Variants in IGSF9 observed in about 807,000 individuals in gnomAD.
The protein encoded by IGSF9 is immunoglobulin superfamily member 9.
A neutral mutation model predicts 121.7 loss-of-function variants in IGSF9; 87 were observed. The observed-to-expected ratio is 0.71, with a 90% CI of 0.60 to 0.85. IGSF9 has a LOEUF of 0.85. Ranked by LOEUF, IGSF9 falls within the 40% of genes least tolerant of loss-of-function variation. IGSF9 has a pLI of 0.00. For synonymous variants in IGSF9, 640 were observed against 648.4 expected, an observed-to-expected ratio of 0.99 and a Z score of 0.20; for missense variants, 1,462 against 1,565.3, an observed-to-expected ratio of 0.93 and a Z score of 1.11.
chr1:159,937,737 T>C lies in IGSF9; in HGVS notation c.349A>G (p.Ile117Val), dbSNP rs763972792. ...CCGTTAGCAAAATCGTCTTCAGGGA[T>C]GTGCTGGTCCAGGAAGAACACGCGG... ...ECRVFFLDQH[I>V]PEDDFANGSW... Residue 117 changes from isoleucine to valine, a missense_variant, in exon 4 of 21, where the codon ATC (isoleucine) becomes GTC (valine). Coordinates refer to ENST00000368094, the MANE Select transcript of IGSF9 (RefSeq NM_001135050.2). 47 of 1,613,932 alleles carry C rather than the reference T, an allele frequency of 2.9e-5. No individual in the cohort carries two copies. The highest frequency in any genetic ancestry group is 3.7e-5 in the Non-Finnish European group (44 of 1,179,978).
chr1:159,941,966 C>T (rs1171661054), intron 3 of IGSF9, among the ~76,000 whole-genome samples: 5 of 152,256 alleles, frequency 3.3e-5, no homozygotes, highest in Non-Finnish European at 7.3e-5. Context: ...TCTGCTCAGC[C>T]CGCCCTGTGG....
Position 159,930,293 on chromosome 1 carries a change from C to T in IGSF9, c.1960G>A (p.Asp654Asn), listed in dbSNP as rs773403292. The T allele has an allele frequency of 1.2e-5, 19 of 1,613,814 alleles. No homozygotes were observed. The highest frequency in any genetic ancestry group is 3.3e-4 in the Middle Eastern group (2 of 6,080). The change falls in exon 15 of 21, where the codon GAT becomes AAT. Residue 654 changes from aspartate (D) to asparagine (N), a missense_variant. Coordinates refer to ENST00000368094, the MANE Select transcript of IGSF9 (RefSeq NM_001135050.2). ...TGCCGGCCTTCCAAGACGTAGCCAT[C>T]CAGTCTCTTAGGGACCAGCTCTGGG... ...DPPELVPKRL[D>N]GYVLEGRQGS...
At position 159,929,641 on chromosome 1, in the gene IGSF9, G is replaced by T. The variant is rs1161711343; in HGVS notation, c.2323C>A (p.Gln775Lys). The T allele has an allele frequency of 6.3e-7, 1 of 1,594,526 alleles. No individual in the cohort carries two copies. The highest frequency in any genetic ancestry group is 1.8e-5 in the Admixed American group (1 of 56,234). The change falls in exon 17 of 21, where the codon CAA (glutamine) becomes AAA (lysine). Residue 775 changes from glutamine (Q) to lysine (K), a missense_variant. By Grantham distance (53) the Gln-to-Lys change is moderately conservative. Transcript: ENST00000368094. Reference protein sequence around the residue: ...AARRRRKRLRQDPPLIFSPTG... With the variant: ...AARRRRKRLRKDPPLIFSPTG... ...GGCTGAGGGTGGAGGGACTTACCTT[G>T]GCGGAGGCGCTTGCGGCGGCGGCGG...
chr1:159,936,626 T>A, intron 5 of IGSF9, 110 bp from the exon 6 acceptor site: 1 of 1,521,138 alleles, frequency 6.6e-7, no homozygotes, highest in Non-Finnish European at 9.0e-7. Flanking sequence ...GGGCAAACAA[T>A]GCCAAGCCCT....
At position 159,932,784 on chromosome 1, in the gene IGSF9, C is replaced by G; in HGVS notation, c.1105-132G>C. 1 of 828,088 alleles carries G rather than the reference C, an allele frequency of 1.2e-6. No individual in the cohort carries two copies. Among genetic ancestry groups the G allele is most frequent in the Non-Finnish European group, 1.8e-6 (1 of 547,822 alleles). The allele number at this position is 828,088 out of a possible 1,614,324, so 51.3% of individuals were successfully genotyped here. On this transcript the variant is annotated intron_variant, in intron 9 of 20. Coordinates refer to ENST00000368094, the MANE Select transcript of IGSF9 (RefSeq NM_001135050.2). This position sits in a 1 kb window ranked among gnomAD's most constrained non-coding sequence, Gnocchi z 4.1. ...AGACTCCAGCAGCTCCATGTCTAGG[C>G]CTGACCCCTCTCTGATTTCCAGTGC...
At chr1:159,935,384 C>T (rs1470304749) in intron 6 of IGSF9, among the ~76,000 whole-genome samples, 3 of 152,208 alleles carry the variant, frequency 2.0e-5, no homozygotes, top group South Asian at 2.1e-4. Flanking sequence ...ACCCTCCCTA[C>T]GTGGCCAGCC....
At chr1:159,936,282 C>A (rs567238963) in intron 6 of IGSF9, 117 bp downstream of exon 6, 58 of 887,256 alleles carry the variant, frequency 6.5e-5, no homozygotes, top group Admixed American at 1.3e-4. Flanking sequence ...TTAGCTTCCA[C>A]GGGCCCTGCC....
intron 4 of IGSF9, 90 bp downstream of exon 4, chr1:159,937,596 G>T: frequency 7.0e-7 from 1 of 1,437,062 alleles, no homozygotes; most frequent in Non-Finnish European, 9.7e-7. Flanking sequence ...GATGGAAATA[G>T]AACTCCCTCT....
Position 159,931,039 on chromosome 1 carries a change from T to G in IGSF9, c.1637+99A>C. 6.5e-7 allele frequency: 1 copy of G among 1,547,516 alleles called. No individual in the cohort carries two copies. The highest frequency in any genetic ancestry group is 8.8e-7 in the Non-Finnish European group (1 of 1,132,380). On this transcript the variant is annotated intron_variant, in intron 13 of 20. Transcript: ENST00000368094. This position sits in a 1 kb window ranked among gnomAD's most constrained non-coding sequence, Gnocchi z 4.8. ...AAGCAGAGCCAGGACTGGTGAGGGA[T>G]AGAGGGACAGAAGAAAGGGCAGAAG... is the stretch of plus-strand genomic sequence containing the variant.
rs773805413 is a variant in IGSF9 at position 159,934,255 on chromosome 1, G to A, written c.1039C>T (p.Arg347Cys). ...ACAAAGAGCAGTGGGGGGTTGGCAC[G>A]AACCGGGCAGCGGATCACCCCCGGC... ...GMPGVIRCPV[R>C]ANPPLLFVSW... Residue 347 changes from arginine to cysteine, a missense_variant, in exon 9 of 21, where the codon CGT becomes TGT. Physicochemically the swap from Arg to Cys is radical, Grantham distance 180 (BLOSUM62 -3). Coordinates refer to ENST00000368094, the MANE Select transcript of IGSF9 (RefSeq NM_001135050.2). The A allele has an allele frequency of 3.7e-6, 6 of 1,613,782 alleles. No individual in the cohort carries two copies. Among genetic ancestry groups the A allele is most frequent in the Non-Finnish European group, 5.1e-6 (6 of 1,179,940 alleles).
rs746073530 is a variant in IGSF9, at chr1:159,930,678, G to A, written c.1813+14C>T. On this transcript the variant is annotated intron_variant, in intron 14 of 20. Coordinates refer to ENST00000368094, the MANE Select transcript of IGSF9 (RefSeq NM_001135050.2). ...ATCCTTGTCTCTGCTGTTCTGGGAC[G>A]AGAAGCTTCTCACCTTCCGGAGCAG... is the stretch of plus-strand genomic sequence containing the variant. 2 of 1,613,732 alleles carry A rather than the reference G, an allele frequency of 1.2e-6. No individual in the cohort carries two copies. Among genetic ancestry groups the A allele is most frequent in the East Asian group, 2.2e-5 (1 of 44,856 alleles).
intron 19 of IGSF9, 61 bp from the exon 20 acceptor site, chr1:159,927,948 A>G: frequency 6.3e-7 from 1 of 1,577,086 alleles, no homozygotes; most frequent in Non-Finnish European, 8.6e-7. Context: ...GGCTGTTCAG[A>G]AAAGTCTGAA....
In IGSF9 at chr1:159,928,433, C is replaced by G. The variant is rs981213574; in HGVS notation, c.2955G>C (p.Val985=). The part of the protein sequence containing the change: ...VSPRESLPGA[V]VGAGATAEPP... ...GCTCTGCAGTGGCCCCAGCCCCTAC[C>G]ACAGCCCCAGGAAGTGATTCCCTGG... Residue 985 remains valine (V), a synonymous_variant, in exon 19 of 21, where the codon GTG becomes GTC. Transcript: ENST00000368094. The G allele has an allele frequency of 6.2e-7, 1 of 1,603,488 alleles. No individual in the cohort carries two copies. Among genetic ancestry groups the G allele is most frequent in the Non-Finnish European group, 8.5e-7 (1 of 1,174,512 alleles).
In IGSF9 at chr1:159,927,396, T is replaced by G. The variant is rs1571208214; in HGVS notation, c.3489A>C (p.Leu1163=). The G allele has an allele frequency of 6.2e-7, 1 of 1,613,682 alleles. No individual in the cohort carries two copies. Among genetic ancestry groups the G allele is most frequent in the Non-Finnish European group, 8.5e-7 (1 of 1,180,014 alleles). ...RRRRDATRAR[L]PAYRQPVPHP... ...GGGGGACTGGCTGTCGATAGGCTGG[T>G]AGCCGAGCCCTAGTAGCATCTCGGC... Residue 1163 remains leucine (L), a synonymous_variant, in exon 21 of 21, where the codon CTA becomes CTC. Transcript: ENST00000368094.
rs767839684 is a variant in IGSF9, at chr1:159,932,520, G to A, written c.1237C>T (p.Leu413=). ...TAGPSPVTRV[L]LKAPPAFIER... ...CCCACCCCCGGCCTAACCTTGAGCA[G>A]CACGCGGGTCACAGGAGAGGGCCCG... The change falls in exon 10 of 21, where the codon CTG becomes TTG. Residue 413 remains leucine, a synonymous_variant. Coordinates refer to ENST00000368094, the MANE Select transcript of IGSF9 (RefSeq NM_001135050.2). The surrounding 1 kb of genome is among the most constrained non-coding windows in gnomAD (Gnocchi z 4.1). 7 of 1,611,990 alleles carry A rather than the reference G, an allele frequency of 4.3e-6. No individual in the cohort carries two copies. In the South Asian group the frequency reaches 7.7e-5, roughly 18 times the overall value.
chr1:159,929,242 C>T (rs1251190682), intron 18 of IGSF9, 109 bp downstream of exon 18: 1 of 1,438,814 alleles, frequency 7.0e-7, no homozygotes. Context: ...CACTTTTGTT[C>T]CTCCCCAACA....
chr1:159,928,558 G>A lies in IGSF9; in HGVS notation c.2830C>T (p.Leu944Phe), dbSNP rs1222288126. The change falls in exon 19 of 21, where the codon CTT becomes TTT. Residue 944 changes from leucine to phenylalanine, a missense_variant. Transcript: ENST00000368094. ...GGTGCAGCAGGGCTGGGCTCCTCAA[G>A]CGGGGGCCAGTCCCCATCCACATTC... ...EMNVDGDWPP[L>F]EEPSPAAPPD... 6 of 1,542,014 alleles carry A rather than the reference G, an allele frequency of 3.9e-6. No homozygotes were observed. Among genetic ancestry groups the A allele is most frequent in the Non-Finnish European group, 5.2e-6 (6 of 1,142,938 alleles).
At chr1:159,936,005 C>T (rs1651168904) in intron 6 of IGSF9, among the ~76,000 whole-genome samples, 1 of 152,210 alleles carries the variant, frequency 6.6e-6, no homozygotes, top group Admixed American at 6.5e-5. Context: ...AAGGAAGGAT[C>T]TTGGCCAGGA....
chr1:159,940,689 C>A (rs944030021), intron 3 of IGSF9, among the ~76,000 whole-genome samples: 26 of 152,220 alleles, frequency 1.7e-4, no homozygotes, highest in African/African-American at 6.0e-4. Flanking sequence ...GAAGCTGTGA[C>A]TGGGCAGAGG....
Sources: allele counts gnomAD v4.1 joint callset (sites outside exome capture counted in the v4.1 genomes callset), GRCh38; gene constraint gnomAD v4.1.1; non-coding constraint Gnocchi (gnomAD v3.1); transcripts MANE v1.5; gene names NCBI Gene and HGNC (gene_info 2026-07-23, HGNC 2026-07-21).